The following ADAMTS6 variants were observed in gnomAD, a reference collection of about 807,000 sequenced individuals.
The protein encoded by ADAMTS6 is A disintegrin and metalloproteinase with thrombospondin motifs 6.
A neutral mutation model predicts 144.3 loss-of-function variants in ADAMTS6; 23 were observed. The observed-to-expected ratio is 0.16, with a 90% CI of 0.11 to 0.23. The LOEUF (loss-of-function observed/expected upper bound fraction) is 0.23, where lower values mean the gene tolerates loss of function less well. Ranked by LOEUF, ADAMTS6 falls within the 10% of genes least tolerant of loss-of-function variation. ADAMTS6 has a pLI of 1.00. For missense variants in ADAMTS6, 999 were observed against 1,379.6 expected (o/e 0.72, Z 4.37); for synonymous variants, 444 against 457.5 (o/e 0.97, Z 0.38).
In ADAMTS6 at chr5:65,151,729, G is replaced by T; in HGVS notation, c.*107C>A. 1 of 960,554 alleles carries T rather than the reference G, an allele frequency of 1.0e-6. No individual in the cohort carries two copies. The highest frequency in any genetic ancestry group is 1.6e-6 in the Non-Finnish European group (1 of 616,650). The allele number at this position is 960,554 out of a possible 1,614,324, so 59.5% of individuals were successfully genotyped here. ...CTGACCAGTGGTTACGTTTTCCACA[G>T]GGTAATGCATTTGCAAGGACATCAA... On this transcript the variant is annotated 3_prime_UTR_variant, in exon 25 of 25. Transcript: ENST00000381055.
At chr5:65,227,005 G>A (rs984195924) in intron 15 of ADAMTS6, among the ~76,000 whole-genome samples, 1 of 152,132 alleles carries the variant, frequency 6.6e-6, no homozygotes, top group Non-Finnish European at 1.5e-5. Context: ...GCAAGGATAT[G>A]GTAGTTATAA....
At chr5:65,462,701 CA>C (rs1365201725) in intron 3 of ADAMTS6, among the ~76,000 whole-genome samples, 1 of 152,146 alleles carries the variant, frequency 6.6e-6, no homozygotes, top group Non-Finnish European at 1.5e-5. Context: ...TATCACAAGG[CA>C]GATACTATGC....
At chr5:65,376,005 G>A (rs1414279723) in intron 7 of ADAMTS6, among the ~76,000 whole-genome samples, 2 of 151,694 alleles carry the variant, frequency 1.3e-5, no homozygotes, top group South Asian at 4.2e-4. Context: ...GTAAACTATT[G>A]CAAGAACAAA....
chr5:65,161,502 C>G (rs745464018), intron 24 of ADAMTS6, among the ~76,000 whole-genome samples: 1 of 152,158 alleles, frequency 6.6e-6, no homozygotes, highest in Non-Finnish European at 1.5e-5. Context: ...GTCTATGAAG[C>G]CTGCCTTGAT....
At chr5:65,188,753 A>G (rs1449065223) in intron 21 of ADAMTS6, among the ~76,000 whole-genome samples, 1 of 152,214 alleles carries the variant, frequency 6.6e-6, no homozygotes, top group East Asian at 1.9e-4. Context: ...AACCAATACT[A>G]GCTGGCTCCA....
chr5:65,298,054 A>C (rs879668004), intron 10 of ADAMTS6, among the ~76,000 whole-genome samples: 1 of 152,210 alleles, frequency 6.6e-6, no homozygotes, highest in African/African-American at 2.4e-5. Flanking sequence ...CACTTTATTG[A>C]AACTAGTAAT....
intron 12 of ADAMTS6, among the ~76,000 whole-genome samples, chr5:65,269,224 C>A (rs959465926): frequency 6.6e-6 from 1 of 152,106 alleles, no homozygotes; most frequent in African/African-American, 2.4e-5. Flanking sequence ...TGAGGAGGCC[C>A]GCAAAAAGCT....
intron 23 of ADAMTS6, among the ~76,000 whole-genome samples, chr5:65,172,393 G>A (rs111636814): frequency 1.8e-3 from 275 of 150,722 alleles, no homozygotes; most frequent in African/African-American, 6.2e-3. Context: ...CAGCCTGAGC[G>A]ACAGAGTGAG....
chr5:65,232,238 A>T (rs573675867), intron 15 of ADAMTS6, among the ~76,000 whole-genome samples: 5 of 152,222 alleles, frequency 3.3e-5, no homozygotes, highest in African/African-American at 1.2e-4. Context: ...AAAGGATTAT[A>T]GCAATAAATG....
At chr5:65,374,211 G>A (rs370300383) in intron 7 of ADAMTS6, among the ~76,000 whole-genome samples, 1 of 152,088 alleles carries the variant, frequency 6.6e-6, no homozygotes, top group African/African-American at 2.4e-5. Flanking sequence ...GACAGGGATG[G>A]CCTCTCTCAC....
At chr5:65,466,875 T>C (rs1391604196) in intron 3 of ADAMTS6, among the ~76,000 whole-genome samples, 1 of 152,062 alleles carries the variant, frequency 6.6e-6, no homozygotes, top group Non-Finnish European at 1.5e-5. Context: ...ACCCCGTCTC[T>C]ACTAAAAACA....
intron 7 of ADAMTS6, among the ~76,000 whole-genome samples, chr5:65,339,270 T>C (rs927988305): frequency 2.0e-5 from 3 of 152,136 alleles, no homozygotes; most frequent in Non-Finnish European, 4.4e-5. Flanking sequence ...GAAGAAACTA[T>C]ACACAGACAA....
In ADAMTS6 at chr5:65,339,669, G is replaced by A. The variant is rs183097960; in HGVS notation, c.1074-5584C>T. Among the ~76,000 whole-genome samples, 372 of 151,786 alleles carry A rather than the reference G, an allele frequency of 2.5e-3. 1 individual carries two copies. The highest frequency in any genetic ancestry group is 8.6e-3 in the African/African-American group (357 of 41,434). On this transcript the variant is annotated intron_variant, in intron 7 of 24. Coordinates refer to ENST00000381055, the MANE Select transcript of ADAMTS6 (RefSeq NM_197941.4). ...AGAGATAAATATGAAATAAAAAATAGAAGAAAAGAGAAATACTAGAATAGA... is the reference window on the plus strand; with the variant it reads ...AGAGATAAATATGAAATAAAAAATAAAAGAAAAGAGAAATACTAGAATAGA...
At chr5:65,359,102 G>A (rs568660038) in intron 7 of ADAMTS6, among the ~76,000 whole-genome samples, 48 of 152,188 alleles carry the variant, frequency 3.2e-4, no homozygotes, top group Non-Finnish European at 3.7e-4. Context: ...TACAGAATAG[G>A]AGAAAATATT....
chr5:65,365,402 T>C (rs1332221818), intron 7 of ADAMTS6, among the ~76,000 whole-genome samples: 2 of 152,226 alleles, frequency 1.3e-5, no homozygotes, highest in East Asian at 1.9e-4. Context: ...TCCAAGCACT[T>C]TGGGAGGCCA....
At chr5:65,384,034 C>T (rs1752278303) in intron 7 of ADAMTS6, among the ~76,000 whole-genome samples, 2 of 152,166 alleles carry the variant, frequency 1.3e-5, no homozygotes, top group Non-Finnish European at 2.9e-5. Flanking sequence ...TAAAACGTTC[C>T]ACCACCAAGG....
chr5:65,338,949 C>T (rs1580434990), intron 7 of ADAMTS6, among the ~76,000 whole-genome samples: 1 of 151,938 alleles, frequency 6.6e-6, no homozygotes, highest in Non-Finnish European at 1.5e-5. Flanking sequence ...CAGACACATC[C>T]CCATGCCAGC....
intron 9 of ADAMTS6, among the ~76,000 whole-genome samples, chr5:65,304,159 T>A (rs1403356616): frequency 2.0e-5 from 3 of 152,170 alleles, no homozygotes; most frequent in African/African-American, 7.2e-5. Flanking sequence ...GTTTTAGTCA[T>A]CTAAGAGAAT....
intron 3 of ADAMTS6, among the ~76,000 whole-genome samples, chr5:65,464,326 T>C (rs1034173938): frequency 6.6e-6 from 1 of 152,208 alleles, no homozygotes; most frequent in Admixed American, 6.5e-5. Context: ...ATAATACATA[T>C]AACTTGTGTA....
Sources: gnomAD v4.1 joint callset for allele counts (sites outside exome capture counted in the v4.1 genomes callset) on GRCh38, gnomAD v4.1.1 for gene constraint, MANE v1.5 for transcripts, NCBI Gene and HGNC (gene_info 2026-07-23, HGNC 2026-07-21) for gene names.